DCDC1: variants seen among roughly 807,000 people sequenced by gnomAD.
DCDC1 encodes doublecortin domain containing 1, also known as doublecortin domain-containing protein 1.
Under a neutral mutation model 178.3 loss-of-function variants are expected in DCDC1, and 200 were observed. The observed-to-expected ratio is 1.12, with a 90% CI of 1.00 to 1.26. The LOEUF (loss-of-function observed/expected upper bound fraction) is 1.26, where lower values mean the gene tolerates loss of function less well. Ranked by LOEUF, DCDC1 falls within the 50% of genes most tolerant of loss-of-function variation. The pLI is 0.00. For missense variants in DCDC1, 1,983 were observed against 1,749.2 expected, an observed-to-expected ratio of 1.13 and a Z score of -2.38; for synonymous variants, 690 against 604.8, an observed-to-expected ratio of 1.14 and a Z score of -2.07.
intron 15 of DCDC1, among the ~76,000 whole-genome samples, chr11:31,095,307 A>G (rs1958079895): frequency 6.6e-6 from 1 of 152,088 alleles, no homozygotes; most frequent in South Asian, 2.1e-4. Context: ...ATACTCAGTA[A>G]TGGGATTGCT....
chr11:31,289,224 C>T (rs2774401), intron 7 of DCDC1, among the ~76,000 whole-genome samples: 46,334 of 151,738 alleles, frequency 0.31, 8,188 homozygotes, highest in Non-Finnish European at 0.39. Context: ...CATGGAATTA[C>T]GAGATTGAAC....
intron 9 of DCDC1, among the ~76,000 whole-genome samples, chr11:31,204,884 T>G (rs772900016): frequency 1.8e-4 from 28 of 152,180 alleles, no homozygotes; most frequent in Middle Eastern, 6.8e-3. Flanking sequence ...AATGGCTCAG[T>G]AAAAAGGCAG....
intron 20 of DCDC1, among the ~76,000 whole-genome samples, chr11:31,023,246 A>G (rs1000394834): frequency 6.6e-6 from 1 of 152,088 alleles, no homozygotes; most frequent in African/African-American, 2.4e-5. Context: ...TTTCCCTCAG[A>G]AAAAATACAT....
At chr11:31,250,427 T>TATATATATAC (rs1943933306) in intron 8 of DCDC1, among the ~76,000 whole-genome samples, 1 of 112,676 alleles carries the variant, frequency 8.9e-6, no homozygotes, top group Non-Finnish European at 1.9e-5. Context: ...TATACATATA[T>TATATATATAC]ATGTATATAT....
chr11:30,906,874 T>G (rs1197969250), intron 29 of DCDC1, 149 bp from the exon 30 acceptor site: 4 of 772,560 alleles, frequency 5.2e-6, no homozygotes, highest in Non-Finnish European at 5.6e-6. Context: ...TAGCATAAAT[T>G]TAGCCAAAAT....
intron 20 of DCDC1, among the ~76,000 whole-genome samples, chr11:31,027,263 T>A (rs954231441): frequency 6.6e-6 from 1 of 151,852 alleles, no homozygotes; most frequent in Non-Finnish European, 1.5e-5. Flanking sequence ...TTCCTTATAG[T>A]CAAATGATAT....
intron 15 of DCDC1, among the ~76,000 whole-genome samples, chr11:31,098,109 T>C (rs1958268467): frequency 6.6e-6 from 1 of 152,194 alleles, no homozygotes; most frequent in Non-Finnish European, 1.5e-5. Flanking sequence ...AGTTTCCTTT[T>C]GAGTCTGGCA....
At chr11:30,889,928 A>T (rs1034505371) in intron 36 of DCDC1, among the ~76,000 whole-genome samples, 1 of 152,202 alleles carries the variant, frequency 6.6e-6, no homozygotes, top group Non-Finnish European at 1.5e-5. Context: ...TTAAGGAGGT[A>T]ATTAAGGTTA....
At chr11:30,910,608 A>G (rs951576250) in intron 28 of DCDC1, among the ~76,000 whole-genome samples, 3 of 152,236 alleles carry the variant, frequency 2.0e-5, no homozygotes, top group African/African-American at 7.2e-5. Context: ...GAGGACACAG[A>G]AAGTACATGC....
intron 1 of DCDC1, among the ~76,000 whole-genome samples, chr11:31,344,724 T>C (rs941986289): frequency 1.3e-5 from 2 of 152,208 alleles, no homozygotes; most frequent in Admixed American, 1.3e-4. Context: ...GTGCGGATAG[T>C]TGTAAGAAAA....
intron 9 of DCDC1, among the ~76,000 whole-genome samples, chr11:31,224,239 TATATAC>T (rs957599763): frequency 3.3e-5 from 5 of 151,912 alleles, no homozygotes; most frequent in African/African-American, 4.8e-5. Flanking sequence ...TATATGTAAA[TATATAC>T]ATATACATAT....
chr11:31,022,664 T>C (rs1039430343), intron 20 of DCDC1, among the ~76,000 whole-genome samples: 1 of 150,680 alleles, frequency 6.6e-6, no homozygotes, highest in East Asian at 1.9e-4. Flanking sequence ...TGTGTGTGTG[T>C]GTGTGTGTGT....
intron 9 of DCDC1, among the ~76,000 whole-genome samples, chr11:31,183,964 A>G (rs1317545680): frequency 6.6e-6 from 1 of 152,236 alleles, no homozygotes; most frequent in Non-Finnish European, 1.5e-5. Context: ...ACCAAAAAAG[A>G]GACCATATAG....
intron 1 of DCDC1, among the ~76,000 whole-genome samples, chr11:31,357,232 A>C (rs1951429183): frequency 6.6e-6 from 1 of 152,054 alleles, no homozygotes; most frequent in Non-Finnish European, 1.5e-5. Context: ...CAAAAAGCTT[A>C]TCCACCATGA....
chr11:30,953,859 A>G (rs945522933), intron 20 of DCDC1, among the ~76,000 whole-genome samples: 10 of 152,146 alleles, frequency 6.6e-5, no homozygotes, highest in Admixed American at 6.6e-4. Context: ...GAAATAAAAA[A>G]TATAATAGCA....
At chr11:31,166,175 A>T (rs1400132633) in intron 9 of DCDC1, among the ~76,000 whole-genome samples, 1 of 152,220 alleles carries the variant, frequency 6.6e-6, no homozygotes, top group Non-Finnish European at 1.5e-5. Context: ...ATGACTAAAT[A>T]TTCAAGCACT....
chr11:31,131,376 T>C (rs1348608000), intron 10 of DCDC1, among the ~76,000 whole-genome samples: 1 of 152,154 alleles, frequency 6.6e-6, no homozygotes, highest in Non-Finnish European at 1.5e-5. Flanking sequence ...ATCCTCCTTT[T>C]CTTACTTTTT....
At chr11:30,989,560 T>G (rs1950855871) in intron 20 of DCDC1, among the ~76,000 whole-genome samples, 1 of 152,158 alleles carries the variant, frequency 6.6e-6, no homozygotes, top group Admixed American at 6.6e-5. Flanking sequence ...TACAGACATT[T>G]AAAGTACATT....
chr11:31,277,262 T>C (rs1252400074), intron 7 of DCDC1, among the ~76,000 whole-genome samples: 1 of 152,104 alleles, frequency 6.6e-6, no homozygotes, highest in Non-Finnish European at 1.5e-5. Context: ...CAATGCTCGT[T>C]CCTTTTTATT....
Sources: allele counts gnomAD v4.1 joint callset (sites outside exome capture counted in the v4.1 genomes callset), GRCh38; gene constraint gnomAD v4.1.1; transcripts MANE v1.5; gene names NCBI Gene and HGNC (gene_info 2026-07-23, HGNC 2026-07-21).